The following BSCL2 variants were observed in gnomAD, a reference collection of about 807,000 sequenced individuals.
The protein encoded by BSCL2 is BSCL2 lipid droplet biogenesis associated, seipin.
BSCL2 carries 41 observed loss-of-function variants against 57.4 expected under a neutral mutation model. The observed-to-expected ratio is 0.71, with a 90% CI of 0.56 to 0.93. The LOEUF is 0.93. BSCL2 is among the 40% of genes least tolerant of loss of function. The pLI is 0.00. For synonymous variants in BSCL2, 237 were observed against 227.3 expected, an observed-to-expected ratio of 1.04 and a Z score of -0.38; for missense variants, 539 against 586.7, an observed-to-expected ratio of 0.92 and a Z score of 0.84.
At chr11:62,705,088 T>C (rs1031593045) in intron 2 of BSCL2, among the ~76,000 whole-genome samples, 1 of 151,608 alleles carries the variant, frequency 6.6e-6, no homozygotes, top group African/African-American at 2.4e-5. Context: ...TTTTTTTTTT[T>C]TTTTTTAACC....
Position 62,690,797 on chromosome 11 carries a change from G to A in BSCL2, c.1143C>T (p.Pro381=), listed in dbSNP as rs150914934. ...VTEDGESPED[P]SGTEGQLSEE... Reference sequence around the variant, plus strand: ...GTGGCTGCGCCATACCTGTCCCTGAGGGATCTTCAGGGCTCTCACCATCCT... The same window carrying A: ...GTGGCTGCGCCATACCTGTCCCTGAAGGATCTTCAGGGCTCTCACCATCCT... The change falls in exon 9 of 11, where the codon CCC becomes CCT. Residue 381 remains proline, a synonymous_variant. Transcript: ENST00000360796. The A allele has an allele frequency of 9.9e-6, 16 of 1,613,662 alleles. No individual in the cohort carries two copies. The African/African-American group carries it at 1.6e-4, about 16-fold the overall frequency.
At chr11:62,704,130 G>GAAAAAAAAA (rs1341507886) in intron 2 of BSCL2, among the ~76,000 whole-genome samples, 1 of 105,958 alleles carries the variant, frequency 9.4e-6, no homozygotes. Context: ...GTCTCAAAAA[G>GAAAAAAAAA]AAAAAAAAAA....
chr11:62,701,197 G>A (rs370892768), intron 3 of BSCL2, among the ~76,000 whole-genome samples: 7 of 152,238 alleles, frequency 4.6e-5, no homozygotes, highest in Middle Eastern at 3.4e-3. Flanking sequence ...CAATGTAATA[G>A]CTCATTTGTT....
intron 3 of BSCL2, among the ~76,000 whole-genome samples, chr11:62,697,969 G>A (rs1162294027): frequency 2.1e-5 from 3 of 140,736 alleles, no homozygotes; most frequent in Non-Finnish European, 4.6e-5. Flanking sequence ...GTGCAGTGGC[G>A]CAATCTCGGC....
intron 1 of BSCL2, chr11:62,706,264 T>C: frequency 5.5e-6 from 6 of 1,099,368 alleles, no homozygotes; most frequent in Middle Eastern, 4.4e-4. Flanking sequence ...CTCACCAGCC[T>C]CGCGCGCTGC....
intron 2 of BSCL2, 42 bp from the exon 3 acceptor site, chr11:62,702,591 A>G: frequency 6.4e-7 from 1 of 1,556,530 alleles, no homozygotes; most frequent in Non-Finnish European, 8.8e-7. Flanking sequence ...AGTTAGTCTT[A>G]CTAGTCCATC....
intron 3 of BSCL2, among the ~76,000 whole-genome samples, chr11:62,696,313 T>TGTGTGTGTGA (rs925519812): frequency 1.1e-4 from 17 of 151,304 alleles, no homozygotes; most frequent in Non-Finnish European, 1.9e-4. Flanking sequence ...TGTGTGTGTG[T>TGTGTGTGTGA]GAAGACAAGG....
Position 62,696,431 on chromosome 11 carries a change from C to A in BSCL2, c.487-1720G>T, listed in dbSNP as rs555023391. The stretch of plus-strand genomic sequence containing the variant: ...GCCTCTGCCTCCTAAGTACCTGGGA[C>A]CATACGGACTATAGGCACATGCAAC... On this transcript the variant is annotated intron_variant, in intron 3 of 10. Coordinates refer to ENST00000360796, the MANE Select transcript of BSCL2 (RefSeq NM_001122955.4). Among the ~76,000 whole-genome samples the A allele has an allele frequency of 4.0e-5, 6 of 151,414 alleles. No individual in the cohort carries two copies. The South Asian group carries it at 1.3e-3, about 32-fold the overall frequency.
At chr11:62,696,080 A>G (rs1945451039) in intron 3 of BSCL2, among the ~76,000 whole-genome samples, 1 of 152,180 alleles carries the variant, frequency 6.6e-6, no homozygotes, top group Non-Finnish European at 1.5e-5. Flanking sequence ...GCTGAGGCAG[A>G]GAGCTGCTTG....
chr11:62,700,952 C>CAAA (rs11306420), intron 3 of BSCL2, among the ~76,000 whole-genome samples: 1 of 144,874 alleles, frequency 6.9e-6, no homozygotes. Context: ...GACTCTGTCT[C>CAAA]AAAAAAAAAA....
chr11:62,695,346 T>C (rs1370432323), intron 3 of BSCL2, among the ~76,000 whole-genome samples: 2 of 151,452 alleles, frequency 1.3e-5, no homozygotes, highest in African/African-American at 2.4e-5. Context: ...CCTCACACAG[T>C]AGTATATAAA....
intron 1 of BSCL2, chr11:62,706,164 C>T: frequency 9.8e-7 from 1 of 1,025,558 alleles, no homozygotes; most frequent in Non-Finnish European, 1.2e-6. Context: ...CGCCAGTCCC[C>T]TCCAGCTCGG....
At chr11:62,706,953 AGTG>A (rs1158337716) in intron 1 of BSCL2, among the ~76,000 whole-genome samples, 153 bp downstream of exon 1, 3 of 152,232 alleles carry the variant, frequency 2.0e-5, no homozygotes, top group Non-Finnish European at 4.4e-5. Context: ...AGGCAAGGCC[AGTG>A]TTGTGTACAT....
chr11:62,691,197 G>A (rs996146103), intron 7 of BSCL2, 56 bp from the exon 8 acceptor site: 13 of 1,613,656 alleles, frequency 8.1e-6, no homozygotes, highest in African/African-American at 2.7e-5. Flanking sequence ...TAACAATCAG[G>A]ACCCTCATGC....
intron 3 of BSCL2, among the ~76,000 whole-genome samples, chr11:62,702,136 G>T (rs574175719): frequency 6.6e-6 from 1 of 150,984 alleles, no homozygotes; most frequent in African/African-American, 2.4e-5. Flanking sequence ...GCGTGATCTC[G>T]GCTCACCGAA....
intron 3 of BSCL2, among the ~76,000 whole-genome samples, chr11:62,695,604 A>G (rs1356137757): frequency 6.7e-6 from 1 of 150,374 alleles, no homozygotes. Context: ...TCAGCCACTC[A>G]GGAGGCTGAG....
At chr11:62,708,715 A>C (rs752442975), upstream of BSCL2, 1 of 1,614,050 alleles carries the variant, frequency 6.2e-7, no homozygotes, top group Non-Finnish European at 8.5e-7. Context: ...ACTTACTGTG[A>C]TGCCCACGCC....
Position 62,707,402 on chromosome 11 carries a change from C to CAGCT in BSCL2, c.-211_-208dup. ...GGAAAGGAGGAGGGGGGCGACTGCC[C>CAGCT]AGCTGATGTCAGATTTTCAAATGAG... On this transcript the variant is annotated 5_prime_UTR_variant, in exon 1 of 11. Transcript: ENST00000360796. The CAGCT allele has an allele frequency of 1.4e-6, 1 of 702,560 alleles. No individual in the cohort carries two copies. Among genetic ancestry groups the CAGCT allele is most frequent in the Non-Finnish European group, 2.6e-6 (1 of 386,578 alleles). 43.5% of individuals were successfully genotyped at this position (702,560 alleles called of 1,614,324 possible).
chr11:62,695,720 A>G (rs1945440564), intron 3 of BSCL2, among the ~76,000 whole-genome samples: 1 of 151,570 alleles, frequency 6.6e-6, no homozygotes, highest in East Asian at 1.9e-4. Flanking sequence ...TCAAAAAAAA[A>G]AAAAAAAAAA....
Sources: allele counts gnomAD v4.1 joint callset (sites outside exome capture counted in the v4.1 genomes callset), GRCh38; gene constraint gnomAD v4.1.1; transcripts MANE v1.5; gene names NCBI Gene and HGNC (gene_info 2026-07-23, HGNC 2026-07-21).